Variants in LRMDA observed in about 807,000 individuals in gnomAD.
The protein encoded by LRMDA is leucine rich melanocyte differentiation associated.
Under a neutral mutation model 29.8 loss-of-function variants are expected in LRMDA, and 18 were observed. The observed-to-expected ratio is 0.60, with a 90% CI of 0.42 to 0.90. LRMDA has a LOEUF of 0.90. LRMDA is among the 40% of genes least tolerant of loss of function. LRMDA has a pLI of 0.00. For synonymous variants in LRMDA, 125 were observed against 109.4 expected (o/e 1.14, Z -0.89); for missense variants, 273 against 273.9 (o/e 1.00, Z 0.02).
chr10:75,831,202 C>T (rs566408911), intron 2 of LRMDA, among the ~76,000 whole-genome samples: 158 of 152,254 alleles, frequency 1.0e-3, no homozygotes, highest in African/African-American at 3.7e-3. Context: ...CCTGCCATCA[C>T]GCCAGGCTAA....
intron 6 of LRMDA, among the ~76,000 whole-genome samples, chr10:76,441,586 T>C (rs1314227868): frequency 1.3e-5 from 2 of 152,162 alleles, no homozygotes; most frequent in African/African-American, 4.8e-5. Context: ...CATTCATCAA[T>C]AGAGAGCCCC....
intron 2 of LRMDA, among the ~76,000 whole-genome samples, chr10:75,547,587 C>G (rs1314408348): frequency 6.6e-6 from 1 of 152,196 alleles, no homozygotes; most frequent in African/African-American, 2.4e-5. Context: ...ATGGCATTTC[C>G]TGATTGCAGC....
Position 76,241,467 on chromosome 10 carries a change from T to C in LRMDA, c.517-82934T>C, listed in dbSNP as rs539539234. On this transcript the variant is annotated intron_variant, in intron 5 of 6. Transcript: ENST00000611255. ...AATTTTATCATCCCTTTGTATTTAT[T>C]ACCTGGAATTCTGCCATGAAGGATT... Among the ~76,000 whole-genome samples the C allele has an allele frequency of 5.9e-5, 9 of 152,332 alleles. No homozygotes were observed. In the South Asian group the frequency reaches 1.9e-3, roughly 32 times the overall value.
At chr10:76,222,087 T>C (rs1851852766) in intron 5 of LRMDA, among the ~76,000 whole-genome samples, 1 of 151,852 alleles carries the variant, frequency 6.6e-6, no homozygotes, top group African/African-American at 2.4e-5. Context: ...TGAAACTGGA[T>C]CCCTTCCTTA....
chr10:76,540,582 AG>A (rs1564570968), intron 6 of LRMDA, among the ~76,000 whole-genome samples: 1 of 152,338 alleles, frequency 6.6e-6, no homozygotes, highest in East Asian at 1.9e-4. Context: ...AATACACAGC[AG>A]GGGCAGTTCC....
intron 2 of LRMDA, among the ~76,000 whole-genome samples, chr10:75,534,227 T>A (rs1839915736): frequency 6.6e-6 from 1 of 152,250 alleles, no homozygotes; most frequent in African/African-American, 2.4e-5. Context: ...AACCTGTGTC[T>A]GTTTGAGATT....
At chr10:75,490,103 A>T (rs1844966322) in intron 2 of LRMDA, among the ~76,000 whole-genome samples, 2 of 152,090 alleles carry the variant, frequency 1.3e-5, no homozygotes, top group African/African-American at 4.8e-5. Context: ...ACTGTTTATT[A>T]TCTTTCCTAC....
chr10:75,898,287 C>T (rs1250239475), intron 2 of LRMDA, among the ~76,000 whole-genome samples: 2 of 152,136 alleles, frequency 1.3e-5, no homozygotes, highest in Non-Finnish European at 2.9e-5. Context: ...CTTAGGGATT[C>T]TCATAACTGG....
intron 2 of LRMDA, among the ~76,000 whole-genome samples, chr10:75,464,717 A>G (rs542867733): frequency 1.2e-4 from 19 of 152,110 alleles, no homozygotes; most frequent in Non-Finnish European, 2.5e-4. Flanking sequence ...TTATTTTCGG[A>G]TGGAATAGAC....
chr10:76,199,732 G>T (rs1338938001), intron 5 of LRMDA, among the ~76,000 whole-genome samples: 1 of 152,068 alleles, frequency 6.6e-6, no homozygotes, highest in East Asian at 1.9e-4. Flanking sequence ...TAACAAATTG[G>T]GAAGCTATCT....
intron 6 of LRMDA, among the ~76,000 whole-genome samples, chr10:76,509,212 C>T (rs1436243509): frequency 6.6e-6 from 1 of 152,184 alleles, no homozygotes; most frequent in East Asian, 1.9e-4. Flanking sequence ...CTCATATTTC[C>T]TGGCAATAAT....
At chr10:75,615,746 G>A (rs764961287) in intron 2 of LRMDA, among the ~76,000 whole-genome samples, 1 of 152,156 alleles carries the variant, frequency 6.6e-6, no homozygotes, top group Admixed American at 6.6e-5. Context: ...ATGGTCCTTT[G>A]ACTTCAAGGC....
chr10:75,636,214 A>G (rs886467014), intron 2 of LRMDA, among the ~76,000 whole-genome samples: 4 of 152,250 alleles, frequency 2.6e-5, no homozygotes, highest in Admixed American at 1.3e-4. Flanking sequence ...ACTTTCCTGC[A>G]TAAGCTTTAG....
chr10:76,533,638 A>T (rs1843260120), intron 6 of LRMDA, among the ~76,000 whole-genome samples: 1 of 152,172 alleles, frequency 6.6e-6, no homozygotes, highest in African/African-American at 2.4e-5. Context: ...TTAAGAATAG[A>T]CACTGTCTAC....
chr10:76,320,616 T>A (rs1425895489), intron 5 of LRMDA, among the ~76,000 whole-genome samples: 1 of 152,178 alleles, frequency 6.6e-6, no homozygotes, highest in Non-Finnish European at 1.5e-5. Context: ...TTGGTGTTTT[T>A]AAAAAAATTT....
intron 2 of LRMDA, among the ~76,000 whole-genome samples, chr10:75,561,016 C>T (rs1438772896): frequency 2.0e-5 from 3 of 150,068 alleles, no homozygotes; most frequent in Non-Finnish European, 4.5e-5. Context: ...GTGTCTCTGC[C>T]CGGCTTTGGT....
chr10:75,966,987 T>C (rs1288718515), intron 2 of LRMDA, among the ~76,000 whole-genome samples: 2 of 152,210 alleles, frequency 1.3e-5, no homozygotes, highest in Non-Finnish European at 2.9e-5. Flanking sequence ...ACACAGTGTG[T>C]GACAAAGCCA....
At chr10:75,886,276 G>A (rs570417109) in intron 2 of LRMDA, among the ~76,000 whole-genome samples, 1 of 152,276 alleles carries the variant, frequency 6.6e-6, no homozygotes, top group Non-Finnish European at 1.5e-5. Context: ...GTGATTGCTG[G>A]ATTTGTTTGG....
At chr10:75,971,367 G>A (rs1448509720) in intron 2 of LRMDA, among the ~76,000 whole-genome samples, 1 of 152,168 alleles carries the variant, frequency 6.6e-6, no homozygotes, top group Non-Finnish European at 1.5e-5. Flanking sequence ...AAGGGTTTAT[G>A]TAGTGCTTGT....
Sources: gnomAD v4.1 joint callset for allele counts (sites outside exome capture counted in the v4.1 genomes callset) on GRCh38, gnomAD v4.1.1 for gene constraint, MANE v1.5 for transcripts, NCBI Gene and HGNC (gene_info 2026-07-23, HGNC 2026-07-21) for gene names.